HCN1: variants seen among roughly 807,000 people sequenced by gnomAD.
HCN1 encodes the protein hyperpolarization activated cyclic nucleotide gated potassium channel 1.
In HCN1, 13 loss-of-function variants were observed where a neutral mutation model predicts 78.9. That is an observed-to-expected ratio of 0.16 (90% confidence interval 0.11 to 0.26). HCN1 has a LOEUF of 0.26. Ranked by LOEUF, HCN1 falls within the 10% of genes least tolerant of loss-of-function variation. The probability of loss-of-function intolerance (pLI) is 1.00; values close to 1 mark genes in which losing one functional copy is unlikely to be tolerated. For missense variants in HCN1, 810 were observed against 1,154.3 expected (o/e 0.70, Z 4.32); for synonymous variants, 552 against 455.5 (o/e 1.21, Z -2.70).
rs1268640612 is a variant in HCN1 at position 45,257,662 on chromosome 5, A to C, written c.*4259T>G. On this transcript the variant is annotated 3_prime_UTR_variant, in exon 8 of 8. Transcript: ENST00000303230. Reference sequence around the variant, plus strand: ...GTTGTGCAAGTGCAGGGTTGTTAAAAAGGAAAAAAATTGAAATTGCTTAAG... The same window carrying C: ...GTTGTGCAAGTGCAGGGTTGTTAAACAGGAAAAAAATTGAAATTGCTTAAG... 2 of 152,208 alleles carry C rather than the reference A, an allele frequency of 1.3e-5. No individual in the cohort carries two copies. Among genetic ancestry groups the C allele is most frequent in the African/African-American group, 4.8e-5 (2 of 41,450 alleles). The allele number at this position is 152,208 out of a possible 1,614,324, so 9.4% of individuals were successfully genotyped here. A position where few individuals can be genotyped will look rare whatever the true frequency, so the allele number is the denominator to read the frequency against.
intron 2 of HCN1, among the ~76,000 whole-genome samples, chr5:45,519,154 T>G (rs2111774576): frequency 6.6e-6 from 1 of 152,046 alleles, no homozygotes; most frequent in African/African-American, 2.4e-5. Flanking sequence ...AATTTAATGC[T>G]TACATTTGAA....
At chr5:45,417,527 C>A (rs1230851091) in intron 3 of HCN1, among the ~76,000 whole-genome samples, 1 of 151,606 alleles carries the variant, frequency 6.6e-6, no homozygotes, top group Admixed American at 6.6e-5. Context: ...AATACAAGGT[C>A]ATTGCCTCCA....
At chr5:45,489,191 A>G (rs979360218) in intron 2 of HCN1, among the ~76,000 whole-genome samples, 2 of 152,190 alleles carry the variant, frequency 1.3e-5, no homozygotes, top group African/African-American at 4.8e-5. Context: ...CGAAGATGCC[A>G]GAGGTATAGC....
At chr5:45,527,429 AAAG>A (rs1682698686) in intron 2 of HCN1, among the ~76,000 whole-genome samples, 2 of 149,014 alleles carry the variant, frequency 1.3e-5, no homozygotes, top group Non-Finnish European at 3.0e-5. Flanking sequence ...TCCAATTTGC[AAAG>A]AAGGAAAGGG....
Position 45,373,244 on chromosome 5 carries a change from AATATATATTTTATATTATATATT to A in HCN1, c.1231-20021_1231-19999del, listed in dbSNP as rs1170915059. Among the ~76,000 whole-genome samples, 55 of 120,200 alleles carry A rather than the reference AATATATATTTTATATTATATATT, an allele frequency of 4.6e-4. 1 individual carries two copies. The highest frequency in any genetic ancestry group is 3.8e-3 in the South Asian group (16 of 4,226). 78.9% of individuals were successfully genotyped at this position (120,200 alleles called of 152,430 possible). On this transcript the variant is annotated intron_variant, in intron 4 of 7. Coordinates refer to ENST00000303230, the MANE Select transcript of HCN1 (RefSeq NM_021072.4). ...ATAATATATATTTTACATTATATATAATATATATTTTATATTATATATTATATATATTTTATATTATATATTAT... is the reference window on the plus strand; with the variant it reads ...ATAATATATATTTTACATTATATATAATATATATTTTATATTATATATTAT...
At chr5:45,315,117 C>T (rs1218360303) in intron 5 of HCN1, among the ~76,000 whole-genome samples, 3 of 152,200 alleles carry the variant, frequency 2.0e-5, no homozygotes, top group Admixed American at 6.5e-5. Flanking sequence ...ATACATTCTT[C>T]TCAGCACCAC....
chr5:45,468,216 A>G (rs1245034833), intron 2 of HCN1, among the ~76,000 whole-genome samples: 1 of 152,138 alleles, frequency 6.6e-6, no homozygotes, highest in Admixed American at 6.6e-5. Context: ...AGATATGATG[A>G]TACCTTTGAA....
intron 2 of HCN1, among the ~76,000 whole-genome samples, chr5:45,562,628 C>A (rs572370328): frequency 6.6e-6 from 1 of 152,204 alleles, no homozygotes; most frequent in African/African-American, 2.4e-5. Flanking sequence ...GTAAAAATAA[C>A]AGGCACAAAG....
chr5:45,560,413 T>G (rs540335388), intron 2 of HCN1, among the ~76,000 whole-genome samples: 1 of 152,190 alleles, frequency 6.6e-6, no homozygotes, highest in Non-Finnish European at 1.5e-5. Context: ...GCCTACAATT[T>G]CTAAACGGTC....
chr5:45,313,109 C>CA (rs927181615), intron 5 of HCN1, among the ~76,000 whole-genome samples: 1 of 152,174 alleles, frequency 6.6e-6, no homozygotes, highest in African/African-American at 2.4e-5. Flanking sequence ...AATTGGGAGG[C>CA]ACCCCCCAGT....
At chr5:45,648,003 C>T (rs1192606521) in intron 1 of HCN1, among the ~76,000 whole-genome samples, 1 of 152,106 alleles carries the variant, frequency 6.6e-6, no homozygotes. Context: ...TTTTATTTTA[C>T]ATTTTCTAAC....
chr5:45,605,379 T>A lies in HCN1; in HGVS notation c.849+39806A>T, dbSNP rs541796046. On this transcript the variant is annotated intron_variant, in intron 2 of 7. Transcript: ENST00000303230. The stretch of plus-strand genomic sequence containing the variant: ...TATGCAGGAGAATAATTTTGTAGCA[T>A]TGTTTCTAATAGCAATGAATTAGAG... Among the ~76,000 whole-genome samples the A allele has an allele frequency of 1.2e-4, 18 of 152,094 alleles. No homozygotes were observed. The South Asian group carries it at 3.7e-3, about 32-fold the overall frequency.
intron 2 of HCN1, among the ~76,000 whole-genome samples, chr5:45,560,425 T>G (rs1404135579): frequency 6.6e-6 from 1 of 152,076 alleles, no homozygotes; most frequent in East Asian, 1.9e-4. Flanking sequence ...TAAACGGTCA[T>G]ATTTCATAGC....
chr5:45,664,662 A>G (rs1402390007), intron 1 of HCN1, among the ~76,000 whole-genome samples: 2 of 152,096 alleles, frequency 1.3e-5, no homozygotes, highest in East Asian at 3.9e-4. Context: ...ACTTCTCAAA[A>G]GAAGACATTT....
chr5:45,406,251 T>A (rs1390148646), intron 3 of HCN1, among the ~76,000 whole-genome samples: 3 of 152,136 alleles, frequency 2.0e-5, no homozygotes, highest in Admixed American at 2.0e-4. Flanking sequence ...TACCTCTTTG[T>A]TAACATAAAT....
At chr5:45,372,025 A>G (rs1191092141) in intron 4 of HCN1, among the ~76,000 whole-genome samples, 13 of 69,788 alleles carry the variant, frequency 1.9e-4, no homozygotes, top group South Asian at 1.7e-3. Flanking sequence ...TAATATATAT[A>G]ATATAATTAT....
chr5:45,592,440 T>C (rs1037648689), intron 2 of HCN1, among the ~76,000 whole-genome samples: 5 of 152,154 alleles, frequency 3.3e-5, no homozygotes, highest in African/African-American at 1.2e-4. Flanking sequence ...GGGAACTATA[T>C]TAGAGAAAGA....
At chr5:45,364,891 T>TTTAGA (rs1322382564) in intron 4 of HCN1, among the ~76,000 whole-genome samples, 2 of 152,042 alleles carry the variant, frequency 1.3e-5, no homozygotes, top group African/African-American at 4.8e-5. Flanking sequence ...GTAGTTGAGA[T>TTTAGA]TTAGATTAGA....
chr5:45,273,943 A>G (rs752474822), intron 6 of HCN1, among the ~76,000 whole-genome samples: 2 of 152,152 alleles, frequency 1.3e-5, no homozygotes, highest in Non-Finnish European at 2.9e-5. Flanking sequence ...CTGGGTATCA[A>G]ATAGATTTGA....
Sources: allele counts gnomAD v4.1 joint callset (sites outside exome capture counted in the v4.1 genomes callset), GRCh38; gene constraint gnomAD v4.1.1; transcripts MANE v1.5; gene names NCBI Gene and HGNC (gene_info 2026-07-23, HGNC 2026-07-21).